CYSLTR2: variants seen among roughly 807,000 people sequenced by gnomAD.
The protein encoded by CYSLTR2 is cysteinyl leukotriene receptor 2, also known as G-protein coupled receptor GPCR21.
For missense variants in CYSLTR2, 398 were observed against 411.9 expected (o/e 0.97, Z 0.29); for synonymous variants, 179 against 160.8 (o/e 1.11, Z -0.86).
At chr13:48,668,613 AT>A (rs990730517) in intron 1 of CYSLTR2, among the ~76,000 whole-genome samples, 8 of 151,922 alleles carry the variant, frequency 5.3e-5, no homozygotes, top group Middle Eastern at 3.4e-3. Flanking sequence ...TTATTTACTT[AT>A]TTTTTTATTA....
At chr13:48,673,817 G>T (rs551871598) in intron 1 of CYSLTR2, among the ~76,000 whole-genome samples, 3 of 152,114 alleles carry the variant, frequency 2.0e-5, no homozygotes, top group Non-Finnish European at 4.4e-5. Flanking sequence ...GGCAGGCCTG[G>T]TGGTGACAAA....
Position 48,706,842 on chromosome 13 carries a change from C to T in CYSLTR2, c.25C>T (p.Gln9Ter). MERKFMSLQPSISVSEMEP... is the reference protein window; with the variant it reads MERKFMSL ...CATGGAGAGAAAATTTATGTCCTTG[C>T]AACCATCCATCTCCGTATCAGAAAT... The change falls in exon 5 of 5, where the codon CAA becomes TAA. Residue 9 changes from glutamine to a stop codon, truncating the protein, a stop_gained. Transcript: ENST00000682523. LOFTEE classifies it low-confidence loss of function (END_TRUNC). 1 of 1,613,128 alleles carries T rather than the reference C, an allele frequency of 6.2e-7. No homozygotes were observed. The highest frequency in any genetic ancestry group is 8.5e-7 in the Non-Finnish European group (1 of 1,179,288).
chr13:48,657,295 A>G (rs1379265114), intron 1 of CYSLTR2, among the ~76,000 whole-genome samples: 1 of 152,188 alleles, frequency 6.6e-6, no homozygotes, highest in Non-Finnish European at 1.5e-5. Flanking sequence ...AAATCTAGTT[A>G]TTATTCGAGA....
rs1954618576 is a variant in CYSLTR2, at chr13:48,711,039, T to G, written c.*3181T>G. 6.6e-6 allele frequency: 1 copy of G among 152,128 alleles called. No individual in the cohort carries two copies. Among genetic ancestry groups the G allele is most frequent in the Admixed American group, 6.6e-5 (1 of 15,266 alleles). 9.4% of individuals were successfully genotyped at this position (152,128 alleles called of 1,614,324 possible). Reference sequence around the variant, plus strand: ...GATGAATAGCTGTACAACCATATTATTTAGCAATAGGAGGTAAATACAGGT... The same window carrying G: ...GATGAATAGCTGTACAACCATATTAGTTAGCAATAGGAGGTAAATACAGGT... On this transcript the variant is annotated 3_prime_UTR_variant, in exon 5 of 5. Transcript: ENST00000682523.
At chr13:48,686,841 G>C (rs1953904881) in intron 1 of CYSLTR2, among the ~76,000 whole-genome samples, 1 of 152,140 alleles carries the variant, frequency 6.6e-6, no homozygotes, top group Admixed American at 6.5e-5. Context: ...AGCTGTAATA[G>C]TCATTGCTTG....
At chr13:48,673,948 C>T (rs369124927) in intron 1 of CYSLTR2, among the ~76,000 whole-genome samples, 2 of 152,146 alleles carry the variant, frequency 1.3e-5, no homozygotes, top group Non-Finnish European at 2.9e-5. Context: ...TGAATATTGG[C>T]CCCCACTCTT....
chr13:48,708,040 A>G lies in CYSLTR2; in HGVS notation c.*182A>G. Reference sequence around the variant, plus strand: ...TTATTCAGTGTATTTTCAGTTGTTGAGTCTTAATGAGGGATACAGGAGGAA... The same window carrying G: ...TTATTCAGTGTATTTTCAGTTGTTGGGTCTTAATGAGGGATACAGGAGGAA... On this transcript the variant is annotated 3_prime_UTR_variant, in exon 5 of 5. Transcript: ENST00000682523. 2.0e-6 allele frequency: 1 copy of G among 504,604 alleles called. No homozygotes were observed. The highest frequency in any genetic ancestry group is 3.1e-5 in the East Asian group (1 of 31,924). 31.3% of individuals were successfully genotyped at this position (504,604 alleles called of 1,614,324 possible).
intron 1 of CYSLTR2, among the ~76,000 whole-genome samples, chr13:48,670,950 T>C (rs898508721): frequency 3.9e-5 from 6 of 152,230 alleles, no homozygotes; most frequent in African/African-American, 1.2e-4. Context: ...CTCTCTTATT[T>C]CCTTGAGCAG....
At chr13:48,670,099 T>C (rs4942771) in intron 1 of CYSLTR2, among the ~76,000 whole-genome samples, 7,944 of 152,360 alleles carry the variant, frequency 0.052, 308 homozygotes, top group Middle Eastern at 0.12. Context: ...TCTGTTCATA[T>C]GCTTTGCCCA....
At chr13:48,701,861 C>T (rs914900947) in intron 4 of CYSLTR2, among the ~76,000 whole-genome samples, 2 of 152,132 alleles carry the variant, frequency 1.3e-5, no homozygotes, top group Non-Finnish European at 2.9e-5. Context: ...GCCAATTCCT[C>T]AAGGATCTAG....
rs201827922 is a variant in CYSLTR2, at chr13:48,707,511, G to C, written c.694G>C (p.Glu232Gln). 48 of 1,611,098 alleles carry C rather than the reference G, an allele frequency of 3.0e-5. No individual in the cohort carries two copies. Among genetic ancestry groups the C allele is most frequent in the Non-Finnish European group, 4.0e-5 (47 of 1,180,024 alleles). The change falls in exon 5 of 5, where the codon GAG becomes CAG. Residue 232 changes from glutamate to glutamine, a missense_variant. By Grantham distance (29) the Glu-to-Gln change is conservative. Transcript: ENST00000682523. Reference sequence around the variant, plus strand: ...GATCATTCGGGTTCTGTTAAAAGTGGAGGTCCCAGAATCGGGGCTGCGGGT... The same window carrying C: ...GATCATTCGGGTTCTGTTAAAAGTGCAGGTCCCAGAATCGGGGCTGCGGGT... ...LLIIRVLLKV[E>Q]VPESGLRVSH...
In CYSLTR2 at chr13:48,686,839, T is replaced by C. The variant is rs144327982; in HGVS notation, c.-265-4373T>C. The stretch of plus-strand genomic sequence containing the variant: ...TTTAGATGATACTTTCCAGCTGTAA[T>C]AGTCATTGCTTGCATAGTCAAGTCA... On this transcript the variant is annotated intron_variant, in intron 1 of 4. Transcript: ENST00000682523. Among the ~76,000 whole-genome samples the C allele has an allele frequency of 1.9e-3, 284 of 152,284 alleles. 3 individuals carry two copies. Among genetic ancestry groups the C allele is most frequent in the Middle Eastern group, 6.8e-3 (2 of 294 alleles).
At chr13:48,689,028 A>G (rs573977169) in intron 1 of CYSLTR2, among the ~76,000 whole-genome samples, 1 of 152,066 alleles carries the variant, frequency 6.6e-6, no homozygotes, top group East Asian at 1.9e-4. Flanking sequence ...GCTTTTCTTC[A>G]TATGTTTGTT....
In CYSLTR2 at chr13:48,707,872, G is replaced by T. The variant is rs775046302; in HGVS notation, c.*14G>T. 3.8e-5 allele frequency: 58 copies of T among 1,508,810 alleles called. No homozygotes were observed. The highest frequency in any genetic ancestry group is 7.1e-6 in the Non-Finnish European group (8 of 1,129,080). The allele number at this position is 1,508,810 out of a possible 1,614,324, so 93.5% of individuals were successfully genotyped here. On this transcript the variant is annotated 3_prime_UTR_variant, in exon 5 of 5. Coordinates refer to ENST00000682523, the MANE Select transcript of CYSLTR2 (RefSeq NM_001308476.3). ...ACAAGAGTATAAGGAGCTCTTAGAT[G>T]AGACCTGTTCTTGTATCCTTGTGTC...
At chr13:48,681,129 T>G (rs1210593287) in intron 1 of CYSLTR2, among the ~76,000 whole-genome samples, 1 of 152,068 alleles carries the variant, frequency 6.6e-6, no homozygotes, top group Non-Finnish European at 1.5e-5. Context: ...ATCACTCCCA[T>G]TTCCCATTCC....
Position 48,661,304 on chromosome 13 carries a change from T to C in CYSLTR2, c.-266+7287T>C, listed in dbSNP as rs571510947. ...CTGACGCCGAGGGAGATAAAGTCATTTTCCCATGGTCATAGAGGTAGTCCG... is the reference window on the plus strand; with the variant it reads ...CTGACGCCGAGGGAGATAAAGTCATCTTCCCATGGTCATAGAGGTAGTCCG... On this transcript the variant is annotated intron_variant, in intron 1 of 4. Coordinates refer to ENST00000682523, the MANE Select transcript of CYSLTR2 (RefSeq NM_001308476.3). 3.9e-5 allele frequency among the ~76,000 whole-genome samples: 6 copies of C among 152,098 alleles called. 1 individual carries two copies. Among genetic ancestry groups the C allele is most frequent in the African/African-American group, 1.2e-4 (5 of 41,484 alleles).
intron 1 of CYSLTR2, among the ~76,000 whole-genome samples, chr13:48,673,671 C>T (rs545371028): frequency 1.3e-5 from 2 of 152,012 alleles, no homozygotes; most frequent in Non-Finnish European, 2.9e-5. Flanking sequence ...TATTATGATG[C>T]CAGCTGGTTA....
rs116717374 is a variant in CYSLTR2, at chr13:48,702,552, C to G, written c.-1-4265C>G. Among the ~76,000 whole-genome samples, 353 of 152,308 alleles carry G rather than the reference C, an allele frequency of 2.3e-3. 2 individuals are homozygous for G. Among genetic ancestry groups the G allele is most frequent in the African/African-American group, 7.3e-3 (304 of 41,582 alleles). ...GCTCCAGTGCCTCTGAAAAGCCTAT[C>G]TTTCCTCCACTGTATTGTTTTTGCA... is the stretch of plus-strand genomic sequence containing the variant. On this transcript the variant is annotated intron_variant, in intron 4 of 4. Coordinates refer to ENST00000682523, the MANE Select transcript of CYSLTR2 (RefSeq NM_001308476.3).
At chr13:48,660,687 GA>G (rs1242469452) in intron 1 of CYSLTR2, among the ~76,000 whole-genome samples, 3 of 151,098 alleles carry the variant, frequency 2.0e-5, no homozygotes, top group Admixed American at 6.6e-5. Context: ...TTGACTTTTT[GA>G]AAAAAAAATT....
Sources: allele counts gnomAD v4.1 joint callset (sites outside exome capture counted in the v4.1 genomes callset), GRCh38; gene constraint gnomAD v4.1.1; transcripts MANE v1.5; gene names NCBI Gene and HGNC (gene_info 2026-07-23, HGNC 2026-07-21).